CENPH: variants seen among roughly 807,000 people sequenced by gnomAD.
The protein encoded by CENPH is centromere protein H.
A neutral mutation model predicts 42.9 loss-of-function variants in CENPH; 40 were observed. The ratio of observed to expected loss-of-function variants is 0.93; its 90% confidence interval spans 0.72 to 1.21. The LOEUF (loss-of-function observed/expected upper bound fraction) is 1.21, where lower values mean the gene tolerates loss of function less well. Among genes scored for constraint, CENPH ranks in the 50% most tolerant of loss-of-function variants. The pLI, the probability that CENPH is intolerant of heterozygous loss-of-function variation, is 0.00. For synonymous variants in CENPH, 88 were observed against 96.5 expected (o/e 0.91, Z 0.52); for missense variants, 302 against 292.9 (o/e 1.03, Z -0.23).
chr5:69,194,595 G>T, intron 2 of CENPH, 52 bp from the exon 3 acceptor site: 2 of 1,064,720 alleles, frequency 1.9e-6, no homozygotes, highest in Non-Finnish European at 2.8e-6. Flanking sequence ...TATTCCTTTT[G>T]GACAGCACCT....
chr5:69,201,127 C>T (rs1748054289), intron 5 of CENPH, among the ~76,000 whole-genome samples: 1 of 151,928 alleles, frequency 6.6e-6, no homozygotes, highest in Non-Finnish European at 1.5e-5. Context: ...AACCAGGCCC[C>T]GAATCAGCAT....
intron 4 of CENPH, among the ~76,000 whole-genome samples, chr5:69,196,628 C>T (rs1747968502): frequency 6.6e-6 from 1 of 152,046 alleles, no homozygotes; most frequent in Non-Finnish European, 1.5e-5. Context: ...TTGTGGGTGA[C>T]AGAGCAAGAT....
At chr5:69,202,386 G>A (rs552302772) in intron 5 of CENPH, 120 bp from the exon 6 acceptor site, 3 of 608,160 alleles carry the variant, frequency 4.9e-6, no homozygotes, top group African/African-American at 1.9e-5. Context: ...TTTTATCCAA[G>A]TGTACGGTGG....
At chr5:69,204,597 C>CTTTTTTTGTTTTTTTTTTTT (rs1748117030) in intron 7 of CENPH, among the ~76,000 whole-genome samples, 2 of 69,576 alleles carry the variant, frequency 2.9e-5, no homozygotes, top group Non-Finnish European at 5.0e-5. Context: ...GCTTGTATTT[C>CTTTTTTTGTTTTTTTTTTTT]TTTTTTTTTT....
Position 69,209,262 on chromosome 5 carries a change from C to G in CENPH, c.652-445C>G, listed in dbSNP as rs369989266. On this transcript the variant is annotated intron_variant, in intron 8 of 8. Coordinates refer to ENST00000283006, the MANE Select transcript of CENPH (RefSeq NM_022909.4). ...ATGCTGCTGGGTGTGGTGGCTTATGCCTGTAATCCCAGCAGTTTGGGAGGC... is the reference window on the plus strand; with the variant it reads ...ATGCTGCTGGGTGTGGTGGCTTATGGCTGTAATCCCAGCAGTTTGGGAGGC... Among the ~76,000 whole-genome samples, 101 of 152,246 alleles carry G rather than the reference C, an allele frequency of 6.6e-4. 2 individuals carry two copies. The East Asian group carries it at 9.3e-3, about 14-fold the overall frequency.
chr5:69,189,904 T>G (rs529486409), intron 1 of CENPH, 136 bp downstream of exon 1: 5 of 1,003,270 alleles, frequency 5.0e-6, no homozygotes, highest in East Asian at 6.0e-5. Context: ...TCACTTAAAC[T>G]GTTGAAGCTC....
intron 5 of CENPH, among the ~76,000 whole-genome samples, chr5:69,198,748 C>A (rs1748008202): frequency 6.6e-6 from 1 of 151,980 alleles, no homozygotes; most frequent in South Asian, 2.1e-4. Context: ...GCCTGGGCAA[C>A]ATAGGGAGGC....
At chr5:69,205,778 A>C (rs537014912) in intron 7 of CENPH, among the ~76,000 whole-genome samples, 1 of 127,360 alleles carries the variant, frequency 7.9e-6, no homozygotes, top group Admixed American at 1.1e-4. Context: ...GCACTATCTC[A>C]GCTCACTGCA....
chr5:69,203,001 A>G (rs1748082680), intron 7 of CENPH, 31 bp downstream of exon 7: 2 of 1,482,610 alleles, frequency 1.3e-6, no homozygotes, highest in Non-Finnish European at 1.9e-6. Context: ...TTGGCAGAAC[A>G]CATTTTGCTT....
chr5:69,209,897 G>A lies in CENPH; in HGVS notation c.*98G>A, dbSNP rs1748219411. The A allele has an allele frequency of 2.9e-6, 2 of 697,312 alleles. No individual in the cohort carries two copies. The highest frequency in any genetic ancestry group is 5.0e-6 in the Non-Finnish European group (2 of 401,386). The allele number at this position is 697,312 out of a possible 1,614,324, so 43.2% of individuals were successfully genotyped here. ...GTCTGTCCACCGTAATTTTAGAAAA[G>A]CATATCCATAACGTTTACAGTTGTA... On this transcript the variant is annotated 3_prime_UTR_variant, in exon 9 of 9. Transcript: ENST00000283006.
chr5:69,200,700 A>G (rs917739091), intron 5 of CENPH, among the ~76,000 whole-genome samples: 5 of 127,592 alleles, frequency 3.9e-5, no homozygotes, highest in East Asian at 2.5e-4. Flanking sequence ...CCTATCCCAA[A>G]CTTTCTGAAT....
chr5:69,203,435 C>T (rs1339725863), intron 7 of CENPH, among the ~76,000 whole-genome samples: 2 of 152,042 alleles, frequency 1.3e-5, no homozygotes, highest in Non-Finnish European at 1.5e-5. Flanking sequence ...GGCACGATCT[C>T]GGCTCACTGC....
chr5:69,189,827 C>T, intron 1 of CENPH, 59 bp downstream of exon 1: 1 of 1,416,982 alleles, frequency 7.1e-7, no homozygotes, highest in Non-Finnish European at 9.2e-7. Flanking sequence ...CGGAACTCCG[C>T]CCTTGCTCAG....
chr5:69,191,654 G>T, intron 1 of CENPH, 141 bp from the exon 2 acceptor site: 1 of 568,198 alleles, frequency 1.8e-6, no homozygotes, highest in South Asian at 2.4e-5. Flanking sequence ...CAAATTAGAA[G>T]TTTGTAATTA....
At chr5:69,196,593 C>T (rs1252858187) in intron 4 of CENPH, among the ~76,000 whole-genome samples, 3 of 152,014 alleles carry the variant, frequency 2.0e-5, no homozygotes, top group Admixed American at 6.6e-5. Flanking sequence ...TGCAGTGAGC[C>T]GAGATGACGC....
chr5:69,199,571 C>A (rs1748025100), intron 5 of CENPH, among the ~76,000 whole-genome samples: 1 of 152,106 alleles, frequency 6.6e-6, no homozygotes, highest in Non-Finnish European at 1.5e-5. Flanking sequence ...CAATAGGAAG[C>A]AGGTTAGGCA....
rs551419111 is a variant in CENPH, at chr5:69,205,989, A to G, written c.488-2207A>G. ...CACCCAAAGTGCTGGGATTACAGGC[A>G]TGAGCCACCATGCCCGGCCTTTTTT... On this transcript the variant is annotated intron_variant, in intron 7 of 8. Transcript: ENST00000283006. 1.1e-3 allele frequency among the ~76,000 whole-genome samples: 172 copies of G among 151,336 alleles called. 2 individuals carry two copies. Among genetic ancestry groups the G allele is most frequent in the Non-Finnish European group, 6.8e-4 (46 of 67,768 alleles).
chr5:69,208,728 T>C (rs1748200120), intron 8 of CENPH, among the ~76,000 whole-genome samples: 1 of 152,224 alleles, frequency 6.6e-6, no homozygotes, highest in Non-Finnish European at 1.5e-5. Flanking sequence ...GATGAAATAA[T>C]TCAATGTTTA....
rs1315226480 is a variant in CENPH, at chr5:69,196,757, G to A, written c.315-296G>A. ...TTGTAGTGCCTTAATCCTTCCAGTG[G>A]CTTTGCACAAAAGTAGATGGTTCAG... On this transcript the variant is annotated intron_variant, in intron 4 of 8. Transcript: ENST00000283006. Among the ~76,000 whole-genome samples, 3 of 152,104 alleles carry A rather than the reference G, an allele frequency of 2.0e-5. No individual in the cohort carries two copies. In the East Asian group the frequency reaches 5.8e-4, roughly 29 times the overall value.
Sources: allele counts gnomAD v4.1 joint callset (sites outside exome capture counted in the v4.1 genomes callset), GRCh38; gene constraint gnomAD v4.1.1; transcripts MANE v1.5; gene names NCBI Gene and HGNC (gene_info 2026-07-23, HGNC 2026-07-21).